The following TNS1 variants were observed in gnomAD, a reference collection of about 807,000 sequenced individuals.
TNS1 encodes tensin-1.
A neutral mutation model predicts 168.6 loss-of-function variants in TNS1; 62 were observed. The ratio of observed to expected loss-of-function variants is 0.37; its 90% CI spans 0.30 to 0.45. The LOEUF is 0.45. TNS1 is among the 20% of genes least tolerant of loss of function. TNS1 has a pLI of 1.00. For synonymous variants in TNS1, 934 were observed against 933.2 expected (o/e 1.00, Z -0.02); for missense variants, 2,240 against 2,339.4 (o/e 0.96, Z 0.88).
At chr2:217,942,281 G>A (rs933135158) in intron 3 of TNS1, among the ~76,000 whole-genome samples, 3 of 152,104 alleles carry the variant, frequency 2.0e-5, no homozygotes, top group Non-Finnish European at 2.9e-5. Flanking sequence ...GTGCTCGGCC[G>A]GACTGGCCGA....
chr2:217,938,130 T>C (rs1445960860), intron 3 of TNS1, among the ~76,000 whole-genome samples: 2 of 152,136 alleles, frequency 1.3e-5, no homozygotes, highest in African/African-American at 4.8e-5. Context: ...CCAGCTGTCA[T>C]CATCATCAAC....
upstream of TNS1, among the ~76,000 whole-genome samples, chr2:218,014,453 C>T (rs987142732): frequency 3.3e-5 from 5 of 152,166 alleles, no homozygotes; most frequent in Non-Finnish European, 7.3e-5. Context: ...ACCAGCTGCA[C>T]GCATGGGTGA....
At chr2:217,947,738 G>A (rs974957127) in intron 3 of TNS1, among the ~76,000 whole-genome samples, 2 of 152,178 alleles carry the variant, frequency 1.3e-5, no homozygotes, top group East Asian at 1.9e-4. Context: ...TCCAAGCTTC[G>A]TGAATCCAGT....
At chr2:218,025,147 C>G (rs1221078969) in intron 1 of TNS1, among the ~76,000 whole-genome samples, 1 of 152,214 alleles carries the variant, frequency 6.6e-6, no homozygotes, top group Non-Finnish European at 1.5e-5. Flanking sequence ...GGCCCTGGAC[C>G]TCTTCATGCC....
At chr2:217,946,865 C>T (rs1371268463) in intron 3 of TNS1, among the ~76,000 whole-genome samples, 1 of 151,914 alleles carries the variant, frequency 6.6e-6, no homozygotes, top group African/African-American at 2.4e-5. Flanking sequence ...AGCAGCTTTC[C>T]TCCTTAATTC....
chr2:217,830,314 A>G, intron 22 of TNS1: 5 of 1,611,988 alleles, frequency 3.1e-6, no homozygotes, highest in Non-Finnish European at 4.2e-6. Flanking sequence ...GTGGGAGGCT[A>G]TGCCCAGCTG....
At chr2:218,018,622 GT>G (rs1958782318) in intron 1 of TNS1, among the ~76,000 whole-genome samples, 1 of 152,200 alleles carries the variant, frequency 6.6e-6, no homozygotes, top group Non-Finnish European at 1.5e-5. Flanking sequence ...CCTTCCTTAA[GT>G]TTTCTGTCTC....
intron 2 of TNS1, chr2:217,987,146 C>CTAG (rs1385438608): frequency 1.3e-5 from 2 of 152,190 alleles, no homozygotes; most frequent in Non-Finnish European, 2.9e-5. Context: ...GCCTGGGCCA[C>CTAG]TAACAACGCC....
intron 18 of TNS1, among the ~76,000 whole-genome samples, chr2:217,852,359 T>G (rs892093077): frequency 6.6e-6 from 1 of 152,152 alleles, no homozygotes; most frequent in African/African-American, 2.4e-5. Flanking sequence ...CCACCTACAC[T>G]GTGAGGTGCC....
chr2:217,993,202 C>G (rs1410350148), intron 1 of TNS1, among the ~76,000 whole-genome samples: 4 of 152,118 alleles, frequency 2.6e-5, no homozygotes, highest in Non-Finnish European at 5.9e-5. Context: ...ATGACAAAAT[C>G]CCCCAACAAC....
chr2:217,966,319 G>GCGCA (rs1341051095), intron 3 of TNS1, among the ~76,000 whole-genome samples: 1 of 150,316 alleles, frequency 6.7e-6, no homozygotes. Context: ...GCGCGCGCGC[G>GCGCA]CGTGTGTAAG....
chr2:217,929,705 C>T (rs1036774034), intron 3 of TNS1, among the ~76,000 whole-genome samples: 3 of 149,770 alleles, frequency 2.0e-5, no homozygotes, highest in Non-Finnish European at 4.5e-5. Flanking sequence ...CCACCCCCCA[C>T]CCGCCCCGGC....
chr2:217,868,872 T>C (rs781376434), intron 18 of TNS1, among the ~76,000 whole-genome samples: 28 of 152,232 alleles, frequency 1.8e-4, no homozygotes, highest in Non-Finnish European at 1.3e-4. Context: ...CCCAGCCTAC[T>C]CTAAGACACT....
rs191021118 is a variant in TNS1, at chr2:217,828,051, C to A, written c.3373+3404G>T. Among the ~76,000 whole-genome samples, 161 of 152,362 alleles carry A rather than the reference C, an allele frequency of 1.1e-3. 5 individuals carry two copies. In the East Asian group the frequency reaches 0.027, roughly 25 times the overall value. ...GGCATCTGAAGCACAGAAACGTTGG[C>A]TCTGAGCTCCAGCTAATTCTAGACT... On this transcript the variant is annotated intron_variant, in intron 22 of 32. Transcript: ENST00000682258.
intron 17 of TNS1, chr2:217,881,289 G>A (rs950194996): frequency 1.6e-5 from 6 of 382,108 alleles, no homozygotes; most frequent in Admixed American, 8.4e-5. Flanking sequence ...GAAGAAAGCG[G>A]GGAGGACCCC....
chr2:217,818,264 C>A lies in TNS1; in HGVS notation c.4068G>T (p.Gly1356=). 2 of 1,613,138 alleles carry A rather than the reference C, an allele frequency of 1.2e-6. No homozygotes were observed. Among genetic ancestry groups the A allele is most frequent in the Non-Finnish European group, 1.7e-6 (2 of 1,179,640 alleles). Residue 1356 remains glycine (G), a synonymous_variant, in exon 24 of 33, where the codon GGG becomes GGT. Coordinates refer to ENST00000682258, the MANE Select transcript of TNS1 (RefSeq NM_001387777.1). The part of the protein sequence containing the change: ...GSPSLCRHPA[G]VYQVSGLHNK... ...TGTGGAGGCCAGAAACCTGGTAGAC[C>A]CCTGCTGGGTGCCGACACAGGCTGG...
At chr2:217,930,356 A>G (rs928676524) in intron 3 of TNS1, among the ~76,000 whole-genome samples, 6 of 152,230 alleles carry the variant, frequency 3.9e-5, no homozygotes, top group Admixed American at 3.9e-4. Flanking sequence ...AGAAAGTTTC[A>G]TGGAGAACAT....
Position 217,948,992 on chromosome 2 carries a change from G to A in TNS1, c.187-28756C>T, listed in dbSNP as rs1204513590. Among the ~76,000 whole-genome samples, 1 of 152,080 alleles carries A rather than the reference G, an allele frequency of 6.6e-6. No homozygotes were observed. The highest frequency in any genetic ancestry group is 2.1e-4 in the South Asian group (1 of 4,816). ...GATGGAAAGGGAAGGAGAGTCGGGGGAAAATGGCCCACCAACAGCTTATCC... is the reference window on the plus strand; with the variant it reads ...GATGGAAAGGGAAGGAGAGTCGGGGAAAAATGGCCCACCAACAGCTTATCC... On this transcript the variant is annotated intron_variant, in intron 3 of 32. Coordinates refer to ENST00000682258, the MANE Select transcript of TNS1 (RefSeq NM_001387777.1). This position sits in a 1 kb window ranked among gnomAD's most constrained non-coding sequence, Gnocchi z 4.1.
intron 31 of TNS1, 152 bp from the exon 32 acceptor site, chr2:217,808,259 A>G (rs1039507760): frequency 3.3e-6 from 3 of 896,542 alleles, no homozygotes; most frequent in Non-Finnish European, 5.2e-6. Flanking sequence ...CCCCAGGGAC[A>G]GGAGCTGCCC....
Sources: allele counts gnomAD v4.1 joint callset (sites outside exome capture counted in the v4.1 genomes callset), GRCh38; gene constraint gnomAD v4.1.1; non-coding constraint Gnocchi (gnomAD v3.1); transcripts MANE v1.5; gene names NCBI Gene and HGNC (gene_info 2026-07-23, HGNC 2026-07-21).